XRCC4: variants seen among roughly 807,000 people sequenced by gnomAD.
XRCC4 encodes the protein DNA repair protein XRCC4.
Under a neutral mutation model 39.1 loss-of-function variants are expected in XRCC4, and 28 were observed. That is an observed-to-expected ratio of 0.72 (90% CI 0.53 to 0.98). The LOEUF (loss-of-function observed/expected upper bound fraction) is 0.98, where lower values mean the gene tolerates loss of function less well. Among genes scored for constraint, XRCC4 ranks in the 50% least tolerant of loss-of-function variants. The pLI is 0.00. For synonymous variants in XRCC4, 123 were observed against 126.4 expected, an observed-to-expected ratio of 0.97 and a Z score of 0.18; for missense variants, 350 against 376.4, an observed-to-expected ratio of 0.93 and a Z score of 0.58.
rs376887432 is a variant in XRCC4, at chr5:83,105,082, A to G, written c.139+24A>G. On this transcript the variant is annotated intron_variant, in intron 2 of 7. Coordinates refer to ENST00000396027, the MANE Select transcript of XRCC4 (RefSeq NM_003401.5). Reference sequence around the variant, plus strand: ...AGGTAATACTAAAAACAAAGTTTTTATAAGTAAAATTTAAGTGTGCTATTC... The same window carrying G: ...AGGTAATACTAAAAACAAAGTTTTTGTAAGTAAAATTTAAGTGTGCTATTC... 17 of 1,591,056 alleles carry G rather than the reference A, an allele frequency of 1.1e-5. No homozygotes were observed. In the African/African-American group the frequency reaches 1.1e-4, roughly 10 times the overall value.
chr5:83,093,720 T>C (rs1363901219), intron 1 of XRCC4, among the ~76,000 whole-genome samples: 3 of 152,060 alleles, frequency 2.0e-5, no homozygotes, highest in African/African-American at 7.2e-5. Flanking sequence ...AATAGGTCAA[T>C]TGAGGAATTA....
At chr5:83,299,671 T>G (rs1156992847) in intron 7 of XRCC4, among the ~76,000 whole-genome samples, 5 of 152,186 alleles carry the variant, frequency 3.3e-5, no homozygotes, top group African/African-American at 1.2e-4. Context: ...TATGAGCAAC[T>G]AATCTCTATT....
At chr5:83,122,348 T>A (rs1449698880) in intron 3 of XRCC4, among the ~76,000 whole-genome samples, 1 of 152,060 alleles carries the variant, frequency 6.6e-6, no homozygotes, top group African/African-American at 2.4e-5. Context: ...GAGATTTTGC[T>A]CATCTAGGGT....
intron 3 of XRCC4, among the ~76,000 whole-genome samples, chr5:83,185,577 AGAT>A (rs1352999091): frequency 2.0e-5 from 3 of 151,902 alleles, no homozygotes; most frequent in South Asian, 4.1e-4. Context: ...TGGTAAAACT[AGAT>A]GATGAATGTT....
chr5:83,105,246 C>T (rs1052192614), intron 2 of XRCC4, among the ~76,000 whole-genome samples, 188 bp downstream of exon 2: 6 of 152,104 alleles, frequency 3.9e-5, no homozygotes, highest in African/African-American at 1.2e-4. Context: ...GAAAAACAAA[C>T]GTGTCCTAGA....
chr5:83,368,177 A>G, the XRCC4 span, among the ~76,000 whole-genome samples: 1 of 152,170 alleles, frequency 6.6e-6, no homozygotes, highest in Non-Finnish European at 1.5e-5. Flanking sequence ...TGATTAAGAG[A>G]ATACACTTAA....
rs560667796 is a variant in XRCC4 at position 83,218,062 on chromosome 5, T to TTATATATA, written c.745+13151_745+13158dup. Among the ~76,000 whole-genome samples, 1,291 of 147,604 alleles carry TTATATATA rather than the reference T, an allele frequency of 8.7e-3. 21 individuals are homozygous for TTATATATA. Among genetic ancestry groups the TTATATATA allele is most frequent in the African/African-American group, 0.031 (1,234 of 39,866 alleles). On this transcript the variant is annotated intron_variant, in intron 6 of 7. Transcript: ENST00000396027. ...TTGAACTTCTCAGTCTTTACCTTTT[T>TTATATATA]TATATATATATATATATTTATTAGA...
chr5:83,081,435 T>C (rs1744936980), intron 1 of XRCC4, among the ~76,000 whole-genome samples: 1 of 152,150 alleles, frequency 6.6e-6, no homozygotes, highest in Admixed American at 6.5e-5. Flanking sequence ...CCTTCCCACA[T>C]GGCTTTTCAA....
chr5:83,240,078 G>C (rs533185435), intron 6 of XRCC4, among the ~76,000 whole-genome samples: 2 of 152,200 alleles, frequency 1.3e-5, no homozygotes, highest in East Asian at 3.9e-4. Context: ...GGAGGCTAAG[G>C]CAGGAGGATC....
At chr5:83,267,603 G>A (rs1754001098) in intron 7 of XRCC4, among the ~76,000 whole-genome samples, 1 of 152,120 alleles carries the variant, frequency 6.6e-6, no homozygotes, top group South Asian at 2.1e-4. Context: ...GTAGGAGATG[G>A]GAAAGCAAGA....
intron 4 of XRCC4, among the ~76,000 whole-genome samples, chr5:83,199,843 G>T (rs1330966198): frequency 6.6e-6 from 1 of 151,932 alleles, no homozygotes; most frequent in East Asian, 1.9e-4. Flanking sequence ...TAGCATTATT[G>T]TTCTGTTTTC....
chr5:83,205,119 G>A (rs1751368671), intron 6 of XRCC4, among the ~76,000 whole-genome samples, 198 bp downstream of exon 6: 1 of 152,072 alleles, frequency 6.6e-6, no homozygotes, highest in African/African-American at 2.4e-5. Flanking sequence ...CATTAGCACA[G>A]CAGTGTGAGC....
chr5:83,152,361 C>T (rs1280387649), intron 3 of XRCC4, among the ~76,000 whole-genome samples: 4 of 152,112 alleles, frequency 2.6e-5, no homozygotes, highest in Non-Finnish European at 4.4e-5. Context: ...AGGCCTGGCA[C>T]GGTGGCTCAC....
At chr5:83,165,213 T>C (rs930466322) in intron 3 of XRCC4, among the ~76,000 whole-genome samples, 30 of 152,010 alleles carry the variant, frequency 2.0e-4, no homozygotes, top group African/African-American at 7.2e-4. Flanking sequence ...TAAACACACA[T>C]AACCTATGAG....
In XRCC4 at chr5:83,111,524, A is replaced by G. The variant is rs1746445151; in HGVS notation, c.315+321A>G. On this transcript the variant is annotated intron_variant, in intron 3 of 7. Transcript: ENST00000396027. ...GTTTTAGGCCATCGTGACAGGTCTT[A>G]TTGAAAAAAGTTTTGTGAAATATTG... 2.0e-5 allele frequency among the ~76,000 whole-genome samples: 3 copies of G among 151,832 alleles called. No individual in the cohort carries two copies. The South Asian group carries it at 6.2e-4, about 32-fold the overall frequency.
intron 1 of XRCC4, among the ~76,000 whole-genome samples, chr5:83,097,500 T>C (rs79741951): frequency 0.015 from 2,212 of 152,166 alleles, 61 homozygotes; most frequent in African/African-American, 0.051. Context: ...ATAAGTCTTA[T>C]TCCTTTTTCA....
At chr5:83,180,906 T>G (rs1750174410) in intron 3 of XRCC4, among the ~76,000 whole-genome samples, 1 of 152,222 alleles carries the variant, frequency 6.6e-6, no homozygotes, top group African/African-American at 2.4e-5. Flanking sequence ...CAAACACTAT[T>G]TGTTTTTGTT....
chr5:83,192,761 C>T (rs1750770158), intron 3 of XRCC4, among the ~76,000 whole-genome samples: 1 of 152,000 alleles, frequency 6.6e-6, no homozygotes, highest in African/African-American at 2.4e-5. Flanking sequence ...GAACTAACTA[C>T]AAAAAAACTC....
At chr5:83,281,509 T>G (rs201345867) in intron 7 of XRCC4, among the ~76,000 whole-genome samples, 62 of 110,266 alleles carry the variant, frequency 5.6e-4, no homozygotes, top group Middle Eastern at 4.3e-3. Context: ...GTTTTGTTTT[T>G]TTTTTTTAAT....
Sources: gnomAD v4.1 joint callset for allele counts (sites outside exome capture counted in the v4.1 genomes callset) on GRCh38, gnomAD v4.1.1 for gene constraint, MANE v1.5 for transcripts, NCBI Gene and HGNC (gene_info 2026-07-23, HGNC 2026-07-21) for gene names.